Variants in PDE4D observed in about 807,000 individuals in gnomAD.
PDE4D encodes phosphodiesterase 4D.
A neutral mutation model predicts 87.4 loss-of-function variants in PDE4D; 24 were observed. That is an observed-to-expected ratio of 0.27 (90% confidence interval 0.20 to 0.39). PDE4D has a LOEUF of 0.39. Among genes scored for constraint, PDE4D ranks in the 10% least tolerant of loss-of-function variants. PDE4D has a pLI of 1.00. For synonymous variants in PDE4D, 384 were observed against 383.2 expected, an observed-to-expected ratio of 1.00 and a Z score of -0.02; for missense variants, 714 against 1,041.0, an observed-to-expected ratio of 0.69 and a Z score of 4.32.
At chr5:59,435,741 G>C (rs927169658) in intron 1 of PDE4D, among the ~76,000 whole-genome samples, 1 of 152,120 alleles carries the variant, frequency 6.6e-6, no homozygotes, top group Non-Finnish European at 1.5e-5. Flanking sequence ...GTAAGGTCCT[G>C]ATGCTCCAAA....
intron 1 of PDE4D, among the ~76,000 whole-genome samples, chr5:59,679,776 T>C (rs1326964718): frequency 6.6e-6 from 1 of 152,110 alleles, no homozygotes; most frequent in African/African-American, 2.4e-5. Context: ...AGACTAAGTA[T>C]AAGAACATCA....
At chr5:60,454,425 T>C (rs1418767957) in intron 1 of PDE4D, among the ~76,000 whole-genome samples, 1 of 152,018 alleles carries the variant, frequency 6.6e-6, no homozygotes, top group Non-Finnish European at 1.5e-5. Flanking sequence ...ATAGACTGAA[T>C]AAAGAAAATG....
At chr5:60,267,751 T>C (rs1750367319) in intron 1 of PDE4D, among the ~76,000 whole-genome samples, 1 of 152,212 alleles carries the variant, frequency 6.6e-6, no homozygotes, top group South Asian at 2.1e-4. Flanking sequence ...TGTAGAGGGC[T>C]TAACAACTTG....
At chr5:59,127,760 G>A (rs1775666580) in intron 5 of PDE4D, among the ~76,000 whole-genome samples, 1 of 151,916 alleles carries the variant, frequency 6.6e-6, no homozygotes, top group Admixed American at 6.6e-5. Context: ...TGCCTAGTGC[G>A]ACATCAGAAA....
intron 1 of PDE4D, among the ~76,000 whole-genome samples, chr5:60,510,957 T>TTTTTG (rs572948838): frequency 0.014 from 2,076 of 152,046 alleles, 17 homozygotes; most frequent in Middle Eastern, 0.027. Context: ...CGTGGTAGTT[T>TTTTTG]TTTTGTTTTG....
At chr5:59,109,185 G>A (rs914303488) in intron 5 of PDE4D, among the ~76,000 whole-genome samples, 5 of 151,758 alleles carry the variant, frequency 3.3e-5, no homozygotes, top group African/African-American at 1.2e-4. Context: ...ACTATCTAAA[G>A]GGGCATTAAT....
chr5:59,019,808 AACAC>A (rs1264782684), intron 6 of PDE4D, among the ~76,000 whole-genome samples: 1 of 152,186 alleles, frequency 6.6e-6, no homozygotes, highest in Non-Finnish European at 1.5e-5. Flanking sequence ...ATCATTCATT[AACAC>A]ACAACAGGCT....
intron 2 of PDE4D, among the ~76,000 whole-genome samples, chr5:60,158,171 T>C (rs972039145): frequency 6.6e-6 from 1 of 152,194 alleles, no homozygotes; most frequent in African/African-American, 2.4e-5. Context: ...CCATCATAAG[T>C]GATTACGTTG....
chr5:60,318,224 T>G (rs1010054632), intron 1 of PDE4D, among the ~76,000 whole-genome samples: 5 of 152,244 alleles, frequency 3.3e-5, no homozygotes, highest in African/African-American at 1.2e-4. Flanking sequence ...AATTGATCCC[T>G]TTACCATTAT....
At chr5:59,870,204 T>C (rs1248776959) in intron 1 of PDE4D, among the ~76,000 whole-genome samples, 1 of 152,248 alleles carries the variant, frequency 6.6e-6, no homozygotes, top group Non-Finnish European at 1.5e-5. Flanking sequence ...AATTGCCACA[T>C]TGGCCCAACC....
Position 60,186,063 on chromosome 5 carries a change from G to A in PDE4D, c.-89-376C>T, listed in dbSNP as rs548716951. ...TAAGGATTCGACAATTTTTCACTAA[G>A]GGATCACTAAGGTGATCCACTGCTG... On this transcript the variant is annotated intron_variant, in intron 1 of 16. Coordinates refer to the PDE4D transcript ENST00000502484. Among the ~76,000 whole-genome samples, 11 of 152,124 alleles carry A rather than the reference G, an allele frequency of 7.2e-5. No homozygotes were observed. In the South Asian group the frequency reaches 1.0e-3, roughly 14 times the overall value.
intron 5 of PDE4D, among the ~76,000 whole-genome samples, chr5:59,100,130 C>T (rs1056235726): frequency 3.9e-5 from 6 of 152,224 alleles, no homozygotes; most frequent in African/African-American, 1.4e-4. Flanking sequence ...TCTCTTCTTT[C>T]ACCCCTACTC....
At chr5:59,026,447 A>C (rs553008223) in intron 6 of PDE4D, among the ~76,000 whole-genome samples, 2 of 152,210 alleles carry the variant, frequency 1.3e-5, no homozygotes, top group Admixed American at 6.5e-5. Context: ...GCATTCTTGT[A>C]CTAATTTATG....
intron 1 of PDE4D, among the ~76,000 whole-genome samples, chr5:60,198,149 T>C (rs1464391708): frequency 6.6e-6 from 1 of 151,380 alleles, no homozygotes; most frequent in South Asian, 2.1e-4. Flanking sequence ...AATTATAATA[T>C]TTTTCTGCCA....
intron 9 of PDE4D, 128 bp downstream of exon 9, chr5:58,990,676 A>AT (rs898219952): frequency 7.6e-5 from 42 of 555,850 alleles, no homozygotes; most frequent in Admixed American, 9.8e-5. Context: ...AAAGGAGCAA[A>AT]TAAGGATAAA....
At chr5:59,159,931 C>G (rs1029532245) in intron 5 of PDE4D, among the ~76,000 whole-genome samples, 1 of 151,856 alleles carries the variant, frequency 6.6e-6, no homozygotes, top group Non-Finnish European at 1.5e-5. Context: ...ATTTGCTGCT[C>G]GTTACTGTAG....
intron 3 of PDE4D, among the ~76,000 whole-genome samples, chr5:59,900,305 T>G (rs1752127481): frequency 6.6e-6 from 1 of 150,704 alleles, no homozygotes; most frequent in Admixed American, 6.6e-5. Flanking sequence ...TATACACTAT[T>G]TACTTAAAAT....
intron 5 of PDE4D, among the ~76,000 whole-genome samples, chr5:59,146,301 A>G (rs532844548): frequency 2.0e-5 from 3 of 152,330 alleles, no homozygotes; most frequent in South Asian, 4.1e-4. Flanking sequence ...TAAGAGTGCT[A>G]GCCAATATGT....
At chr5:58,983,782 A>G (rs973417360) in intron 11 of PDE4D, among the ~76,000 whole-genome samples, 2 of 152,194 alleles carry the variant, frequency 1.3e-5, no homozygotes, top group East Asian at 3.9e-4. Flanking sequence ...CAAAACTAGC[A>G]GTTTTTGTGA....
Sources: allele counts gnomAD v4.1 joint callset (sites outside exome capture counted in the v4.1 genomes callset), GRCh38; gene constraint gnomAD v4.1.1; transcripts MANE v1.5; gene names NCBI Gene and HGNC (gene_info 2026-07-23, HGNC 2026-07-21).